The following LAMA3 variants were observed in gnomAD, a reference collection of about 807,000 sequenced individuals.
LAMA3 encodes laminin subunit alpha 3.
In LAMA3, 281 loss-of-function variants were observed where a neutral mutation model predicts 402.0. The observed-to-expected ratio is 0.70, with a 90% CI of 0.63 to 0.77. The LOEUF (loss-of-function observed/expected upper bound fraction) is 0.77. Among genes scored for constraint, LAMA3 ranks in the 30% least tolerant of loss-of-function variants. The pLI is 0.00. For missense variants in LAMA3, 3,840 were observed against 4,215.5 expected (o/e 0.91, Z 2.47); for synonymous variants, 1,431 against 1,558.4 (o/e 0.92, Z 1.93).
chr18:23,820,929 G>A (rs191397853), intron 19 of LAMA3, among the ~76,000 whole-genome samples: 1 of 152,150 alleles, frequency 6.6e-6, no homozygotes, highest in Admixed American at 6.5e-5. Flanking sequence ...CATCCAAGCG[G>A]CCTTTCTGAA....
At chr18:23,805,063 A>G (rs2144226876) in intron 12 of LAMA3, among the ~76,000 whole-genome samples, 1 of 152,350 alleles carries the variant, frequency 6.6e-6, no homozygotes, top group South Asian at 2.1e-4. Context: ...ACAGACAGTG[A>G]AAGTATATTG....
rs1238030781 is a variant in LAMA3 at position 23,898,754 on chromosome 18, A to G, written c.5630A>G (p.Tyr1877Cys). 9 of 1,599,358 alleles carry G rather than the reference A, an allele frequency of 5.6e-6. No individual in the cohort carries two copies. The highest frequency in any genetic ancestry group is 5.4e-5 in the African/African-American group (4 of 74,650). ...AKDLRNQLLN[Y>C]RSAISNHGSK... Reference sequence around the variant, plus strand: ...TGTTTCCAGAATCAGTTGCTCAACTACCGTTCTGCCATTTCAAATCATGGA... The same window carrying G: ...TGTTTCCAGAATCAGTTGCTCAACTGCCGTTCTGCCATTTCAAATCATGGA... The change falls in exon 45 of 75, where the codon TAC becomes TGC. Residue 1877 changes from tyrosine (Y) to cysteine (C), a missense_variant. Tyr to Cys is a radical substitution (Grantham distance 194). Around this residue, in one of 3 missense-constraint regions of LAMA3, gnomAD observed 891 missense variants for 857.5 expected, o/e 1.04. Coordinates refer to ENST00000313654, the MANE Select transcript of LAMA3 (RefSeq NM_198129.4).
Position 23,928,198 on chromosome 18 carries a change from T to A in LAMA3, c.8253T>A (p.Asn2751Lys). ...LKKTSGVVRL[N>K]DTVGVTKKCS... ...AAACCAGTGGTGTCGTTAGATTGAA[T>A]GATACTGTGGGAGTAACCAAAAAGT... is the stretch of plus-strand genomic sequence containing the variant. Residue 2751 changes from asparagine (N) to lysine (K), a missense_variant, in exon 63 of 75, where the codon AAT becomes AAA. This residue lies in a region of LAMA3 where 840 missense variants were observed against 981.9 expected (regional missense o/e 0.86). Transcript: ENST00000313654. The A allele has an allele frequency of 6.2e-7, 1 of 1,613,916 alleles. No individual in the cohort carries two copies. Among genetic ancestry groups the A allele is most frequent in the Non-Finnish European group, 8.5e-7 (1 of 1,179,742 alleles).
At chr18:23,729,122 A>ATGTG (rs72333694) in intron 2 of LAMA3, among the ~76,000 whole-genome samples, 38 of 147,080 alleles carry the variant, frequency 2.6e-4, no homozygotes, top group South Asian at 1.1e-3. Context: ...TTGTGTGTGT[A>ATGTG]TGTGTGTGTG....
At position 23,884,530 on chromosome 18, in the gene LAMA3, C is replaced by T. The variant is rs555933385; in HGVS notation, c.5223-243C>T. Among the ~76,000 whole-genome samples the T allele has an allele frequency of 2.4e-4, 36 of 152,302 alleles. No individual in the cohort carries two copies. The East Asian group carries it at 6.8e-3, about 29-fold the overall frequency. On this transcript the variant is annotated intron_variant, in intron 40 of 74. Transcript: ENST00000313654. ...CTCTGTCTTAAGGGGAAAAAATGCT[C>T]TTCCCCAAGGAACAAATAAAATAAA...
At chr18:23,942,275 G>A (rs929619840) in intron 68 of LAMA3, among the ~76,000 whole-genome samples, 12 of 152,160 alleles carry the variant, frequency 7.9e-5, no homozygotes, top group African/African-American at 2.7e-4. Flanking sequence ...TGCTTAAGAC[G>A]TTAGCCACAG....
chr18:23,792,538 C>T (rs1568188921), intron 12 of LAMA3, among the ~76,000 whole-genome samples: 1 of 152,228 alleles, frequency 6.6e-6, no homozygotes, highest in Non-Finnish European at 1.5e-5. Flanking sequence ...CACTAGGCCT[C>T]ATCTCCCAAC....
intron 23 of LAMA3, among the ~76,000 whole-genome samples, chr18:23,830,973 TC>T (rs2063480040): frequency 6.6e-6 from 1 of 152,190 alleles, no homozygotes; most frequent in Non-Finnish European, 1.5e-5. Context: ...GCTGCTACCA[TC>T]CATCTAATTG....
rs1252095922 is a variant in LAMA3 at position 23,928,251 on chromosome 18, G to C, written c.8295+11G>C. 9 of 1,540,844 alleles carry C rather than the reference G, an allele frequency of 5.8e-6. No homozygotes were observed. Among genetic ancestry groups the C allele is most frequent in the Non-Finnish European group, 8.1e-6 (9 of 1,113,322 alleles). On this transcript the variant is annotated intron_variant, in intron 63 of 74. Coordinates refer to ENST00000313654, the MANE Select transcript of LAMA3 (RefSeq NM_198129.4). ...TCGGAAGACTGGAAGGTAAGTGAAA[G>C]TTCAGAACCTCGTGAAGGAGTGCTT...
intron 62 of LAMA3, among the ~76,000 whole-genome samples, chr18:23,922,963 T>TA (rs1314009771): frequency 6.6e-6 from 1 of 151,962 alleles, no homozygotes; most frequent in East Asian, 1.9e-4. Flanking sequence ...ACGTGTGCCA[T>TA]AGGAGGAAGC....
At chr18:23,731,074 T>C (rs1215902069) in intron 2 of LAMA3, among the ~76,000 whole-genome samples, 5 of 152,210 alleles carry the variant, frequency 3.3e-5, no homozygotes, top group Non-Finnish European at 7.3e-5. Context: ...CAACCCCTAA[T>C]GGACAAAGAA....
At chr18:23,901,100 T>C (rs2081054099) in intron 47 of LAMA3, 27 bp from the exon 48 acceptor site, 4 of 1,598,684 alleles carry the variant, frequency 2.5e-6, no homozygotes, top group South Asian at 1.1e-5. Context: ...ATCTGTCAAA[T>C]AGAAAACATG....
chr18:23,861,174 T>C (rs1367781820), intron 34 of LAMA3, among the ~76,000 whole-genome samples: 4 of 150,514 alleles, frequency 2.7e-5, no homozygotes, highest in East Asian at 1.9e-4. Context: ...AGTTCTTTCT[T>C]TTTTTTTTAC....
chr18:23,823,703 A>C (rs139946978), intron 20 of LAMA3, among the ~76,000 whole-genome samples: 69 of 152,322 alleles, frequency 4.5e-4, no homozygotes, highest in Admixed American at 8.5e-4. Flanking sequence ...AGTGAACCCA[A>C]AGATTTGGAG....
chr18:23,707,355 G>A lies in LAMA3; in HGVS notation c.295-6565G>A, dbSNP rs149839699. ...GGACTTCTTGCCTGCTGGCTTCCAA[G>A]AGGAAGGAAGCAGAATCTTCTAGCC... On this transcript the variant is annotated intron_variant, in intron 1 of 74. Coordinates refer to ENST00000313654, the MANE Select transcript of LAMA3 (RefSeq NM_198129.4). Among the ~76,000 whole-genome samples, 43 of 152,334 alleles carry A rather than the reference G, an allele frequency of 2.8e-4. No individual in the cohort carries two copies. In the East Asian group the frequency reaches 7.3e-3, roughly 26 times the overall value.
In LAMA3 at chr18:23,741,716, C is replaced by CTTA. The variant is rs556204460; in HGVS notation, c.448-6226_448-6224dup. Among the ~76,000 whole-genome samples, 380 of 152,250 alleles carry CTTA rather than the reference C, an allele frequency of 2.5e-3. 2 individuals are homozygous for CTTA. Among genetic ancestry groups the CTTA allele is most frequent in the African/African-American group, 8.9e-3 (369 of 41,536 alleles). On this transcript the variant is annotated intron_variant, in intron 2 of 74. Coordinates refer to ENST00000313654, the MANE Select transcript of LAMA3 (RefSeq NM_198129.4). ...TTAATTACAAATGTAAAAAAGGTAA[C>CTTA]TTACGATGGGGAAATATGATGGACA...
intron 19 of LAMA3, among the ~76,000 whole-genome samples, chr18:23,820,544 C>T (rs2063264992): frequency 6.6e-6 from 1 of 152,082 alleles, no homozygotes; most frequent in South Asian, 2.1e-4. Context: ...TTCCTTCATT[C>T]TTCTCTACTG....
intron 8 of LAMA3, among the ~76,000 whole-genome samples, chr18:23,767,044 G>A (rs990120911): frequency 1.8e-4 from 28 of 152,078 alleles, no homozygotes; most frequent in Non-Finnish European, 1.5e-5. Flanking sequence ...AAGATCAGTA[G>A]CATTTCTATG....
chr18:23,882,016 C>G lies in LAMA3; in HGVS notation c.5193C>G (p.Cys1731Trp), dbSNP rs761924134. 9.3e-6 allele frequency: 15 copies of G among 1,613,464 alleles called. No homozygotes were observed. Among genetic ancestry groups the G allele is most frequent in the Non-Finnish European group, 1.1e-5 (13 of 1,179,566 alleles). ...ATGGCAACGCCGTCCACGGATCCTG[C>G]AGGGCCTGCCCATGTCCTCACACTA... ...GYYGNAVHGS[C>W]RACPCPHTNS... The change falls in exon 40 of 75, where the codon TGC (cysteine) becomes TGG (tryptophan). Residue 1731 changes from cysteine (C) to tryptophan (W), a missense_variant. Physicochemically the swap from Cys to Trp is radical, Grantham distance 215. Coordinates refer to ENST00000313654, the MANE Select transcript of LAMA3 (RefSeq NM_198129.4).
Sources: allele counts gnomAD v4.1 joint callset (sites outside exome capture counted in the v4.1 genomes callset), GRCh38; gene constraint gnomAD v4.1.1; regional missense constraint gnomAD v4.1.1; transcripts MANE v1.5; gene names NCBI Gene and HGNC (gene_info 2026-07-23, HGNC 2026-07-21).